ZBTB20: variants seen among roughly 807,000 people sequenced by gnomAD.
The protein encoded by ZBTB20 is zinc finger and BTB domain-containing protein 20.
In ZBTB20, 9 loss-of-function variants were observed where a neutral mutation model predicts 56.9. The observed-to-expected ratio is 0.16, with a 90% CI of 0.10 to 0.28. The LOEUF (loss-of-function observed/expected upper bound fraction) is 0.28. ZBTB20 is among the 10% of genes least tolerant of loss of function. The pLI is 1.00. For missense variants in ZBTB20, 655 were observed against 1,003.0 expected, an observed-to-expected ratio of 0.65 and a Z score of 4.69; for synonymous variants, 417 against 420.7, an observed-to-expected ratio of 0.99 and a Z score of 0.11.
intron 7 of ZBTB20, among the ~76,000 whole-genome samples, chr3:114,458,152 C>T (rs2092131681): frequency 6.6e-6 from 1 of 152,098 alleles, no homozygotes; most frequent in South Asian, 2.1e-4. Flanking sequence ...TATCTGACGG[C>T]ATTTTCAGCA....
intron 1 of ZBTB20, among the ~76,000 whole-genome samples, chr3:115,081,700 T>C (rs1291698069): frequency 1.3e-5 from 2 of 152,148 alleles, no homozygotes; most frequent in East Asian, 1.9e-4. Flanking sequence ...GTTGACTGCA[T>C]TGCCTTCAAA....
rs534549039 is a variant in ZBTB20 at position 114,772,238 on chromosome 3, G to T, written c.-343+28863C>A. ...CACCTGTAGTCCCAGCTACCTGGGAGGCTGAGGCAGGAGAATCGCTTGAAC... is the reference window on the plus strand; with the variant it reads ...CACCTGTAGTCCCAGCTACCTGGGATGCTGAGGCAGGAGAATCGCTTGAAC... On this transcript the variant is annotated intron_variant, in intron 5 of 11. Coordinates refer to ENST00000675478, the MANE Select transcript of ZBTB20 (RefSeq NM_001348800.3). 2.0e-4 allele frequency among the ~76,000 whole-genome samples: 31 copies of T among 152,242 alleles called. No individual in the cohort carries two copies. In the South Asian group the frequency reaches 4.2e-3, roughly 20 times the overall value.
At position 114,889,968 on chromosome 3, in the gene ZBTB20, T is replaced by G. The variant is rs112144495; in HGVS notation, c.-417+10336A>C. Among the ~76,000 whole-genome samples the G allele has an allele frequency of 4.2e-3, 636 of 152,304 alleles. 2 individuals are homozygous for G. The highest frequency in any genetic ancestry group is 0.015 in the African/African-American group (608 of 41,562). On this transcript the variant is annotated intron_variant, in intron 4 of 11. Transcript: ENST00000675478. ...AGAGATGTTTTTAATTTTAAAGTGC[T>G]TTGGTATGTTGTCATCTCTAATTTA...
At chr3:114,386,873 T>C (rs1301486983) in intron 8 of ZBTB20, among the ~76,000 whole-genome samples, 1 of 152,216 alleles carries the variant, frequency 6.6e-6, no homozygotes, top group Non-Finnish European at 1.5e-5. Flanking sequence ...AAATAGGTTC[T>C]GTCTTAGCTT....
At chr3:114,455,184 C>A (rs936565963) in intron 7 of ZBTB20, among the ~76,000 whole-genome samples, 1 of 151,474 alleles carries the variant, frequency 6.6e-6, no homozygotes, top group Non-Finnish European at 1.5e-5. Flanking sequence ...AGAGGGAGAG[C>A]GGCACTGCCA....
At chr3:114,816,597 A>G (rs1283692369) in intron 4 of ZBTB20, among the ~76,000 whole-genome samples, 1 of 152,212 alleles carries the variant, frequency 6.6e-6, no homozygotes, top group Non-Finnish European at 1.5e-5. Context: ...TTTAAAATGA[A>G]TGGGCCTATG....
intron 5 of ZBTB20, among the ~76,000 whole-genome samples, chr3:114,699,813 C>G (rs546700050): frequency 6.6e-6 from 1 of 152,116 alleles, no homozygotes; most frequent in East Asian, 1.9e-4. Context: ...CTTACCTGTT[C>G]TTCTTCATTT....
At chr3:114,723,477 T>G (rs1214342262) in intron 5 of ZBTB20, among the ~76,000 whole-genome samples, 2 of 152,206 alleles carry the variant, frequency 1.3e-5, no homozygotes, top group Non-Finnish European at 2.9e-5. Flanking sequence ...ATCACTCTTG[T>G]AATGCATATG....
chr3:114,634,590 CCAAAATACCTTG>C (rs2059151509), intron 6 of ZBTB20, among the ~76,000 whole-genome samples: 1 of 152,130 alleles, frequency 6.6e-6, no homozygotes, highest in South Asian at 2.1e-4. Flanking sequence ...AATGTTGGAA[CCAAAATACCTTG>C]CAAATATATT....
At chr3:114,843,134 C>T (rs891807015) in intron 4 of ZBTB20, among the ~76,000 whole-genome samples, 49 of 152,194 alleles carry the variant, frequency 3.2e-4, no homozygotes, top group African/African-American at 1.1e-3. Context: ...TGAGGCCTCC[C>T]CAGCTGTGCA....
Position 114,316,303 on chromosome 3 carries a change from A to G in ZBTB20, c.*22702T>C. 3 of 378,072 alleles carry G rather than the reference A, an allele frequency of 7.9e-6. No homozygotes were observed. Among genetic ancestry groups the G allele is most frequent in the Admixed American group, 4.4e-5 (1 of 22,578 alleles). 23.4% of individuals were successfully genotyped at this position (378,072 alleles called of 1,614,324 possible). On this transcript the variant is annotated 3_prime_UTR_variant, in exon 12 of 12. Transcript: ENST00000675478. ...TTGTTACAATCCATTCTTTATGAACATACAGAAATGACCAAAGTCACTGCA... is the reference window on the plus strand; with the variant it reads ...TTGTTACAATCCATTCTTTATGAACGTACAGAAATGACCAAAGTCACTGCA...
intron 2 of ZBTB20, among the ~76,000 whole-genome samples, chr3:115,047,302 T>A (rs2081367911): frequency 6.6e-6 from 1 of 152,160 alleles, no homozygotes; most frequent in African/African-American, 2.4e-5. Context: ...TAGCTTCCTT[T>A]GATTATTTGA....
intron 5 of ZBTB20, among the ~76,000 whole-genome samples, chr3:114,725,998 C>T (rs1488176284): frequency 6.6e-6 from 1 of 152,082 alleles, no homozygotes; most frequent in Non-Finnish European, 1.5e-5. Flanking sequence ...TAAATGTAAC[C>T]TATTATTTAT....
At chr3:114,758,685 C>A (rs1328990511) in intron 5 of ZBTB20, among the ~76,000 whole-genome samples, 1 of 152,044 alleles carries the variant, frequency 6.6e-6, no homozygotes, top group Non-Finnish European at 1.5e-5. Flanking sequence ...TAAAGACAAA[C>A]AACTTTGAGA....
At chr3:114,813,267 A>C (rs1470350051) in intron 4 of ZBTB20, among the ~76,000 whole-genome samples, 1 of 152,222 alleles carries the variant, frequency 6.6e-6, no homozygotes, top group Non-Finnish European at 1.5e-5. Context: ...AAGAAACTTG[A>C]AGTCTCGAAC....
chr3:114,337,171 G>T lies in ZBTB20; in HGVS notation c.*1834C>A, dbSNP rs1423555832. 2 of 152,188 alleles carry T rather than the reference G, an allele frequency of 1.3e-5. No individual in the cohort carries two copies. The highest frequency in any genetic ancestry group is 4.8e-5 in the African/African-American group (2 of 41,436). 9.4% of individuals were successfully genotyped at this position (152,188 alleles called of 1,614,324 possible). ...AGGGTTAATTCGTCATCTAAAGAAT[G>T]ATCATCTTATTCAGCCCTCTTAACC... is the stretch of plus-strand genomic sequence containing the variant. On this transcript the variant is annotated 3_prime_UTR_variant, in exon 12 of 12. Coordinates refer to ENST00000675478, the MANE Select transcript of ZBTB20 (RefSeq NM_001348800.3).
intron 5 of ZBTB20, among the ~76,000 whole-genome samples, chr3:114,768,243 T>C (rs781330263): frequency 1.3e-5 from 2 of 152,034 alleles, no homozygotes; most frequent in Non-Finnish European, 2.9e-5. Context: ...CTCTTCATTG[T>C]TCCTGGAATT....
intron 6 of ZBTB20, chr3:114,529,302 T>C (rs915826010): frequency 2.0e-5 from 3 of 152,184 alleles, no homozygotes; most frequent in South Asian, 4.1e-4. Context: ...ACAGCAATCT[T>C]GGAAGCTATG....
intron 2 of ZBTB20, among the ~76,000 whole-genome samples, chr3:114,992,592 A>G (rs1329076787): frequency 6.6e-6 from 1 of 151,922 alleles, no homozygotes; most frequent in Non-Finnish European, 1.5e-5. Flanking sequence ...ATAGCCACAT[A>G]TATCCATATA....
Sources: gnomAD v4.1 joint callset for allele counts (sites outside exome capture counted in the v4.1 genomes callset) on GRCh38, gnomAD v4.1.1 for gene constraint, MANE v1.5 for transcripts, NCBI Gene and HGNC (gene_info 2026-07-23, HGNC 2026-07-21) for gene names.